Variants in CAP2 observed in about 807,000 individuals in gnomAD.
CAP2 encodes adenylyl cyclase-associated protein 2.
CAP2 carries 24 observed loss-of-function variants against 57.7 expected under a neutral mutation model. The ratio of observed to expected loss-of-function variants is 0.42; its 90% confidence interval spans 0.30 to 0.58. The LOEUF (loss-of-function observed/expected upper bound fraction) is 0.58. Among genes scored for constraint, CAP2 ranks in the 20% least tolerant of loss-of-function variants. The pLI is 0.22. For synonymous variants in CAP2, 194 were observed against 207.2 expected (o/e 0.94, Z 0.55); for missense variants, 501 against 590.3 (o/e 0.85, Z 1.57).
intron 4 of CAP2, among the ~76,000 whole-genome samples, chr6:17,482,378 G>T (rs556162173): frequency 2.0e-5 from 3 of 151,924 alleles, no homozygotes; most frequent in Non-Finnish European, 4.4e-5. Context: ...GCATGGTGGC[G>T]TGCGCCTGTA....
At chr6:17,533,808 C>G (rs996285312) in intron 7 of CAP2, among the ~76,000 whole-genome samples, 2 of 152,066 alleles carry the variant, frequency 1.3e-5, no homozygotes, top group African/African-American at 4.8e-5. Flanking sequence ...CCTCGTGATC[C>G]ACCCACCTCG....
intron 7 of CAP2, among the ~76,000 whole-genome samples, chr6:17,533,629 C>T (rs1029621228): frequency 1.0e-4 from 15 of 149,552 alleles, no homozygotes; most frequent in African/African-American, 3.5e-4. Flanking sequence ...AGTACAGTGG[C>T]GTGATCTCGG....
intron 4 of CAP2, among the ~76,000 whole-genome samples, chr6:17,476,292 AT>A (rs1301230838): frequency 6.6e-6 from 1 of 152,244 alleles, no homozygotes; most frequent in African/African-American, 2.4e-5. Context: ...AAAAGTCTAT[AT>A]CATAACTTAC....
intron 7 of CAP2, among the ~76,000 whole-genome samples, chr6:17,527,597 C>CTTTTTTTTTT (rs10668941): frequency 8.4e-5 from 11 of 131,222 alleles, no homozygotes; most frequent in Non-Finnish European, 9.4e-5. Context: ...TGTTCTCTTT[C>CTTTTTTTTTT]TTTTTTTTTT....
At chr6:17,454,979 C>T (rs2113584338) in intron 3 of CAP2, among the ~76,000 whole-genome samples, 1 of 152,180 alleles carries the variant, frequency 6.6e-6, no homozygotes, top group South Asian at 2.1e-4. Flanking sequence ...GGTATGAGTG[C>T]ATGGTTTTGT....
At chr6:17,420,972 A>G (rs542964488) in intron 1 of CAP2, among the ~76,000 whole-genome samples, 1 of 147,228 alleles carries the variant, frequency 6.8e-6, no homozygotes, top group East Asian at 1.9e-4. Flanking sequence ...TAGCAAAGAT[A>G]CGGAACCAAC....
intron 11 of CAP2, among the ~76,000 whole-genome samples, chr6:17,547,277 TAA>T (rs1288215944): frequency 6.6e-6 from 1 of 152,180 alleles, no homozygotes; most frequent in Non-Finnish European, 1.5e-5. Flanking sequence ...TGTACTCATG[TAA>T]ACACATATAT....
intron 11 of CAP2, among the ~76,000 whole-genome samples, chr6:17,549,254 G>A (rs935229228): frequency 2.6e-5 from 4 of 152,088 alleles, no homozygotes; most frequent in Admixed American, 1.3e-4. Flanking sequence ...ACCTGAAGTC[G>A]GGAGTTCGAG....
At chr6:17,465,911 G>A (rs527738688) in intron 4 of CAP2, among the ~76,000 whole-genome samples, 2 of 152,234 alleles carry the variant, frequency 1.3e-5, no homozygotes, top group African/African-American at 4.8e-5. Flanking sequence ...AGCCCCAGGG[G>A]CTCAAATGTT....
At chr6:17,457,458 G>A (rs977908280) in intron 3 of CAP2, among the ~76,000 whole-genome samples, 11 of 152,206 alleles carry the variant, frequency 7.2e-5, no homozygotes, top group Non-Finnish European at 1.6e-4. Flanking sequence ...GAACTTTCCA[G>A]AAGGAAGAAG....
At chr6:17,425,692 A>G (rs533365161) in intron 2 of CAP2, among the ~76,000 whole-genome samples, 23 of 151,868 alleles carry the variant, frequency 1.5e-4, no homozygotes, top group African/African-American at 4.6e-4. Flanking sequence ...GGTGCTACCT[A>G]CCTCCCTGGG....
At chr6:17,425,646 A>C (rs1223671073) in intron 2 of CAP2, among the ~76,000 whole-genome samples, 1 of 152,176 alleles carries the variant, frequency 6.6e-6, no homozygotes, top group Admixed American at 6.5e-5. Context: ...TGGCCCTGTC[A>C]GGTGCTGTGT....
intron 4 of CAP2, among the ~76,000 whole-genome samples, chr6:17,501,674 A>G (rs1761824842): frequency 6.6e-6 from 1 of 152,184 alleles, no homozygotes; most frequent in Non-Finnish European, 1.5e-5. Flanking sequence ...AAGTTTCTAC[A>G]AAGCTTGCTG....
rs1433497088 is a variant in CAP2, at chr6:17,498,254, AC to A, written c.301-8914del. Reference sequence around the variant, plus strand: ...ATAGTAAGTGGGAAGTGACAAAAAAACGTGTCTACTGTTCATTGTGTCAGTG... The same window carrying A: ...ATAGTAAGTGGGAAGTGACAAAAAAAGTGTCTACTGTTCATTGTGTCAGTG... On this transcript the variant is annotated intron_variant, in intron 4 of 12. Coordinates refer to ENST00000229922, the MANE Select transcript of CAP2 (RefSeq NM_006366.3). Among the ~76,000 whole-genome samples the A allele has an allele frequency of 4.6e-5, 7 of 152,366 alleles. No individual in the cohort carries two copies. The East Asian group carries it at 7.7e-4, about 17-fold the overall frequency.
chr6:17,497,963 A>G (rs748491694), intron 4 of CAP2, among the ~76,000 whole-genome samples: 10 of 152,216 alleles, frequency 6.6e-5, no homozygotes, highest in Non-Finnish European at 1.5e-4. Flanking sequence ...TTGTGAGGCT[A>G]TTGTAACATC....
chr6:17,423,856 C>T (rs1385749064), intron 2 of CAP2, among the ~76,000 whole-genome samples: 1 of 152,056 alleles, frequency 6.6e-6, no homozygotes, highest in Non-Finnish European at 1.5e-5. Context: ...CAACTTAGCC[C>T]GTAATTTACT....
chr6:17,462,862 C>G, intron 3 of CAP2, 134 bp from the exon 4 acceptor site: 1 of 673,594 alleles, frequency 1.5e-6, no homozygotes, highest in Non-Finnish European at 2.6e-6. Context: ...TACGAACATT[C>G]ATTTACAAGT....
intron 4 of CAP2, among the ~76,000 whole-genome samples, chr6:17,471,898 G>A (rs190152500): frequency 1.3e-5 from 2 of 152,212 alleles, no homozygotes; most frequent in East Asian, 1.9e-4. Flanking sequence ...CCATTTAGCC[G>A]TGGTATTTCC....
At chr6:17,478,426 G>A (rs1296520424) in intron 4 of CAP2, among the ~76,000 whole-genome samples, 5 of 151,388 alleles carry the variant, frequency 3.3e-5, no homozygotes, top group African/African-American at 7.3e-5. Context: ...GATTACAGGC[G>A]TGAGTCACCG....
Sources: allele counts gnomAD v4.1 joint callset (sites outside exome capture counted in the v4.1 genomes callset), GRCh38; gene constraint gnomAD v4.1.1; transcripts MANE v1.5; gene names NCBI Gene and HGNC (gene_info 2026-07-23, HGNC 2026-07-21).